Variants in TG observed in about 807,000 individuals in gnomAD.
TG encodes thyroid hormones.
A neutral mutation model predicts 324.7 loss-of-function variants in TG; 270 were observed. That is an observed-to-expected ratio of 0.83 (90% confidence interval 0.75 to 0.92). The LOEUF is 0.92. TG is among the 40% of genes least tolerant of loss of function. The pLI, the probability that TG is intolerant of heterozygous loss-of-function variation, is 0.00. For synonymous variants in TG, 1,401 were observed against 1,327.0 expected (o/e 1.06, Z -1.21); for missense variants, 3,591 against 3,456.4 (o/e 1.04, Z -0.98).
chr8:132,971,271 A>T (rs72727452), intron 32 of TG, among the ~76,000 whole-genome samples: 24,092 of 152,064 alleles, frequency 0.16, 2,392 homozygotes, highest in Middle Eastern at 0.29. Flanking sequence ...ATTGGTAGAG[A>T]GTGATTATCC....
rs779638531 is a variant in TG at position 132,983,400 on chromosome 8, C to T, written c.6250C>T (p.Leu2084Phe). Reference sequence around the variant, plus strand: ...TTGCCCTTTGGTTGTTCTGCCTTCCCTCACAGAGAAAGGTAAGTTCATTGT... The same window carrying T: ...TTGCCCTTTGGTTGTTCTGCCTTCCTTCACAGAGAAAGGTAAGTTCATTGT... The part of the protein sequence containing the change: ...SFCPLVVLPS[L>F]TEKVSLDSWQ... Residue 2084 changes from leucine (L) to phenylalanine (F), a missense_variant, in exon 35 of 48, where the codon CTC (leucine) becomes TTC (phenylalanine). Transcript: ENST00000220616. The T allele has an allele frequency of 1.9e-6, 3 of 1,613,936 alleles. No individual in the cohort carries two copies. Among genetic ancestry groups the T allele is most frequent in the African/African-American group, 2.7e-5 (2 of 74,910 alleles).
At chr8:133,082,276 T>C (rs555964492) in intron 41 of TG, among the ~76,000 whole-genome samples, 1 of 152,272 alleles carries the variant, frequency 6.6e-6, no homozygotes, top group Admixed American at 6.5e-5. Flanking sequence ...AGTGTATCTG[T>C]TTGGCCAGTT....
intron 35 of TG, among the ~76,000 whole-genome samples, chr8:132,990,959 G>T (rs1226678103): frequency 6.7e-6 from 1 of 150,116 alleles, no homozygotes; most frequent in Admixed American, 6.6e-5. Context: ...TCTACCAACA[G>T]GGGTGTTAGG....
At chr8:133,120,522 G>T (rs1036712174) in intron 45 of TG, among the ~76,000 whole-genome samples, 5 of 152,190 alleles carry the variant, frequency 3.3e-5, no homozygotes, top group Non-Finnish European at 7.4e-5. Flanking sequence ...TAGGTGCTAG[G>T]GAAGGATGCG....
At chr8:133,086,745 C>T (rs529220088) in intron 41 of TG, among the ~76,000 whole-genome samples, 1 of 152,254 alleles carries the variant, frequency 6.6e-6, no homozygotes, top group South Asian at 2.1e-4. Context: ...AAAACTTTCT[C>T]ATTTCTTTAT....
At position 133,058,673 on chromosome 8, in the gene TG, G is replaced by A. The variant is rs559299378; in HGVS notation, c.7239+28650G>A. On this transcript the variant is annotated intron_variant, in intron 41 of 47. Coordinates refer to ENST00000220616, the MANE Select transcript of TG (RefSeq NM_003235.5). ...GTTTGGAGAGGGTGAGAAAGAGCCC[G>A]GCATTCTCCTGACAGCAGCAGCAGC... Among the ~76,000 whole-genome samples, 9 of 152,286 alleles carry A rather than the reference G, an allele frequency of 5.9e-5. No individual in the cohort carries two copies. The South Asian group carries it at 1.2e-3, about 21-fold the overall frequency.
chr8:133,084,191 A>AG (rs1449073866), intron 41 of TG, among the ~76,000 whole-genome samples: 7 of 152,128 alleles, frequency 4.6e-5, no homozygotes, highest in African/African-American at 1.7e-4. Flanking sequence ...ATGGAGAGAG[A>AG]GGGGCAGTCT....
Position 133,019,542 on chromosome 8 carries a change from G to A in TG, c.6783-60G>A, listed in dbSNP as rs747120220. 407 of 1,444,104 alleles carry A rather than the reference G, an allele frequency of 2.8e-4. 1 individual carries two copies. The highest frequency in any genetic ancestry group is 3.3e-4 in the Non-Finnish European group (335 of 1,028,400). 89.5% of individuals were successfully genotyped at this position (1,444,104 alleles called of 1,614,324 possible). ...GGGGTAGTGGGCTCTGACCATGGTGGTGGGTGGGGAGGGGTGGTGATGGAG... is the reference window on the plus strand; with the variant it reads ...GGGGTAGTGGGCTCTGACCATGGTGATGGGTGGGGAGGGGTGGTGATGGAG... On this transcript the variant is annotated intron_variant, in intron 38 of 47. Transcript: ENST00000220616.
At chr8:132,908,895 TC>T (rs1819091237) in intron 18 of TG, among the ~76,000 whole-genome samples, 1 of 152,084 alleles carries the variant, frequency 6.6e-6, no homozygotes, top group Non-Finnish European at 1.5e-5. Context: ...GCCTGTGAGT[TC>T]TGGGGGAGAG....
intron 24 of TG, among the ~76,000 whole-genome samples, chr8:132,933,962 A>G (rs1371421056): frequency 6.6e-6 from 1 of 152,110 alleles, no homozygotes; most frequent in East Asian, 1.9e-4. Flanking sequence ...AGTGTGGGCA[A>G]GATGTGAGGG....
chr8:132,987,725 TGTGTGTGTGTGC>T (rs911529399), intron 35 of TG, among the ~76,000 whole-genome samples: 5 of 150,820 alleles, frequency 3.3e-5, no homozygotes, highest in African/African-American at 9.7e-5. Context: ...GTGTGTGGTG[TGTGTGTGTGTGC>T]GTGTGTGTGT....
chr8:133,036,477 G>A (rs1057115306), intron 41 of TG, among the ~76,000 whole-genome samples: 41 of 152,074 alleles, frequency 2.7e-4, no homozygotes, highest in African/African-American at 9.4e-4. Flanking sequence ...TATAACAATC[G>A]TTCAGAATTT....
At chr8:133,000,587 T>C (rs1286592993) in intron 35 of TG, among the ~76,000 whole-genome samples, 1 of 151,866 alleles carries the variant, frequency 6.6e-6, no homozygotes, top group Non-Finnish European at 1.5e-5. Context: ...AGAGCAGGAG[T>C]GACCGGAAGA....
chr8:132,876,578 G>A (rs1813830073), intron 5 of TG, among the ~76,000 whole-genome samples: 1 of 152,158 alleles, frequency 6.6e-6, no homozygotes, highest in African/African-American at 2.4e-5. Flanking sequence ...ACTTGAATTT[G>A]GCAATGATGT....
chr8:133,109,006 T>C (rs1031420826), intron 43 of TG, among the ~76,000 whole-genome samples: 3 of 152,242 alleles, frequency 2.0e-5, no homozygotes, highest in Admixed American at 2.0e-4. Flanking sequence ...ATAGGCATTT[T>C]TCATTATCCA....
At chr8:133,039,810 C>T (rs537765807) in intron 41 of TG, among the ~76,000 whole-genome samples, 2 of 152,150 alleles carry the variant, frequency 1.3e-5, no homozygotes, top group Admixed American at 6.5e-5. Context: ...GAAGCTGCCC[C>T]TGCACCCAGG....
chr8:132,901,238 A>G, intron 15 of TG, 115 bp from the exon 16 acceptor site: 1 of 1,230,332 alleles, frequency 8.1e-7, no homozygotes, highest in Non-Finnish European at 1.2e-6. Flanking sequence ...GACCCCTGGA[A>G]GGCCCTGCAG....
At chr8:133,002,212 A>C (rs998881036) in intron 35 of TG, 1 of 985,364 alleles carries the variant, frequency 1.0e-6, no homozygotes, top group Admixed American at 6.1e-5. Flanking sequence ...CCAGAGCAGA[A>C]GCTCACCTGT....
intron 41 of TG, among the ~76,000 whole-genome samples, chr8:133,093,077 C>T (rs4443645): frequency 0.72 from 108,782 of 151,744 alleles, 39,445 homozygotes; most frequent in Non-Finnish European, 0.75. Flanking sequence ...CTATTCAGAA[C>T]ACGGAGTTTT....
Sources: gnomAD v4.1 joint callset for allele counts (sites outside exome capture counted in the v4.1 genomes callset) on GRCh38, gnomAD v4.1.1 for gene constraint, MANE v1.5 for transcripts, NCBI Gene and HGNC (gene_info 2026-07-23, HGNC 2026-07-21) for gene names.